Variants in EDEM1 observed in about 807,000 individuals in gnomAD.
The protein encoded by EDEM1 is ER degradation-enhancing alpha-mannosidase-like protein 1.
EDEM1 carries 67 observed loss-of-function variants against 74.4 expected under a neutral mutation model. That is an observed-to-expected ratio of 0.90 (90% confidence interval 0.74 to 1.10). The LOEUF (loss-of-function observed/expected upper bound fraction) is 1.10, where lower values mean the gene tolerates loss of function less well. EDEM1 is among the 50% of genes least tolerant of loss of function. The pLI is 0.00. For missense variants in EDEM1, 926 were observed against 851.6 expected, an observed-to-expected ratio of 1.09 and a Z score of -1.09; for synonymous variants, 382 against 335.9, an observed-to-expected ratio of 1.14 and a Z score of -1.50.
chr3:5,195,372 C>A, intron 2 of EDEM1, 91 bp downstream of exon 2: 2 of 638,472 alleles, frequency 3.1e-6, no homozygotes, highest in Non-Finnish European at 4.9e-6. Flanking sequence ...TTCCAGGGAG[C>A]CTGATAAGTC....
At chr3:5,211,321 G>A in intron 10 of EDEM1, 105 bp downstream of exon 10, 1 of 1,101,934 alleles carries the variant, frequency 9.1e-7, no homozygotes, top group Non-Finnish European at 1.3e-6. Context: ...GCTATGTGCT[G>A]GACATTGTGC....
chr3:5,189,489 G>A lies in EDEM1; in HGVS notation c.509+1175G>A, dbSNP rs551981041. On this transcript the variant is annotated intron_variant, in intron 1 of 11. Transcript: ENST00000256497. ...AGCCTTTTCAAAATTCTAGGAAACC[G>A]ATGAGTTTTTCTTGCTTAACCATAG... The A allele has an allele frequency of 2.6e-5, 4 of 152,300 alleles. No individual in the cohort carries two copies. The South Asian group carries it at 6.2e-4, about 24-fold the overall frequency. The allele number at this position is 152,300 out of a possible 1,614,324, so 9.4% of individuals were successfully genotyped here.
intron 3 of EDEM1, among the ~76,000 whole-genome samples, chr3:5,201,041 C>T (rs1261333646): frequency 6.6e-6 from 1 of 151,800 alleles, no homozygotes; most frequent in Non-Finnish European, 1.5e-5. Flanking sequence ...GGACTACAGG[C>T]AAATGTCACC....
intron 6 of EDEM1, among the ~76,000 whole-genome samples, chr3:5,206,027 A>G (rs532311700): frequency 6.6e-6 from 1 of 152,114 alleles, no homozygotes; most frequent in Non-Finnish European, 1.5e-5. Context: ...TTTACAAAGA[A>G]CTGTTAGGAT....
chr3:5,197,312 A>G (rs898631026), intron 2 of EDEM1, among the ~76,000 whole-genome samples: 1 of 152,310 alleles, frequency 6.6e-6, no homozygotes, highest in Admixed American at 6.5e-5. Flanking sequence ...TGGTCCCACT[A>G]TTAGAGAGCC....
chr3:5,194,970 G>A, intron 1 of EDEM1: 1 of 312,226 alleles, frequency 3.2e-6, no homozygotes, highest in East Asian at 5.1e-5. Flanking sequence ...CTTCCTGTGA[G>A]CATTCTTTCC....
chr3:5,205,466 A>C (rs936883191), intron 6 of EDEM1, among the ~76,000 whole-genome samples: 2 of 152,238 alleles, frequency 1.3e-5, no homozygotes, highest in South Asian at 4.1e-4. Flanking sequence ...AACAAGCATT[A>C]TCTCATGAAG....
Position 5,213,406 on chromosome 3 carries a change from C to A in EDEM1, c.1768C>A (p.Leu590Ile). The A allele has an allele frequency of 6.2e-7, 1 of 1,614,144 alleles. No homozygotes were observed. The highest frequency in any genetic ancestry group is 8.5e-7 in the Non-Finnish European group (1 of 1,180,032). The stretch of plus-strand genomic sequence containing the variant: ...ACACATTGTATCTGTGGATGAGCAT[C>A]TTCGGGAATTGCCATGGAAGGAATT... ...EGHIVSVDEH[L>I]RELPWKEFFS... The change falls in exon 11 of 12, where the codon CTT becomes ATT. Residue 590 changes from leucine to isoleucine, a missense_variant. Leu to Ile is a conservative substitution (Grantham distance 5, BLOSUM62 2). Coordinates refer to ENST00000256497, the MANE Select transcript of EDEM1 (RefSeq NM_014674.3).
rs2055080111 is a variant in EDEM1 at position 5,205,128 on chromosome 3, G to C, written c.1104G>C (p.Gly368=). The change falls in exon 6 of 12, where the codon GGG becomes GGC. Residue 368 remains glycine (G), a synonymous_variant. Transcript: ENST00000256497. ...WVGKQSGLGA[G]LDSFYEYLLK... ...GAAAGCAGAGTGGCCTGGGTGCCGG[G>C]CTGGACTCCTTCTATGAATACCTCT... is the stretch of plus-strand genomic sequence containing the variant. The C allele has an allele frequency of 6.2e-7, 1 of 1,614,250 alleles. No individual in the cohort carries two copies. Among genetic ancestry groups the C allele is most frequent in the Non-Finnish European group, 8.5e-7 (1 of 1,180,038 alleles).
At position 5,205,149 on chromosome 3, in the gene EDEM1, C is replaced by T. The variant is rs1450112196; in HGVS notation, c.1125C>T (p.Tyr375=). Residue 375 remains tyrosine, a synonymous_variant, in exon 6 of 12, where the codon TAC becomes TAT. Coordinates refer to ENST00000256497, the MANE Select transcript of EDEM1 (RefSeq NM_014674.3). ...CCGGGCTGGACTCCTTCTATGAATA[C>T]CTCTTGAAATCTTACATTCTCTTTG... ...LGAGLDSFYE[Y]LLKSYILFGE... The T allele has an allele frequency of 5.0e-6, 8 of 1,614,098 alleles. No homozygotes were observed. The highest frequency in any genetic ancestry group is 1.7e-5 in the Admixed American group (1 of 60,008).
chr3:5,193,150 A>G (rs1315543083), intron 1 of EDEM1, among the ~76,000 whole-genome samples: 5 of 152,140 alleles, frequency 3.3e-5, no homozygotes, highest in African/African-American at 4.8e-5. Context: ...GGGGAGTTAC[A>G]TGTGGTTCTC....
chr3:5,210,337 A>G, intron 9 of EDEM1, 89 bp downstream of exon 9: 2 of 1,253,390 alleles, frequency 1.6e-6, no homozygotes, highest in Non-Finnish European at 2.3e-6. Flanking sequence ...TTGCATTTTA[A>G]TTTATAGAAC....
At position 5,208,073 on chromosome 3, in the gene EDEM1, G is replaced by C. The variant is rs1003230855; in HGVS notation, c.1339-20G>C. 2 of 1,572,608 alleles carry C rather than the reference G, an allele frequency of 1.3e-6. No homozygotes were observed. The highest frequency in any genetic ancestry group is 2.8e-5 in the African/African-American group (2 of 72,368). On this transcript the variant is annotated intron_variant, in intron 7 of 11. Coordinates refer to ENST00000256497, the MANE Select transcript of EDEM1 (RefSeq NM_014674.3). The stretch of plus-strand genomic sequence containing the variant: ...TCTAGGAATGGTATCTCAGCCTGAT[G>C]ACCTGTGTCCTCTCCTTAGGTGCTG...
In EDEM1 at chr3:5,218,880, T is replaced by G. The variant is rs1252015734; in HGVS notation, c.*2962T>G. 5 of 152,192 alleles carry G rather than the reference T, an allele frequency of 3.3e-5. No homozygotes were observed. Among genetic ancestry groups the G allele is most frequent in the Non-Finnish European group, 5.9e-5 (4 of 68,036 alleles). 9.4% of individuals were successfully genotyped at this position (152,192 alleles called of 1,614,324 possible). On this transcript the variant is annotated 3_prime_UTR_variant, in exon 12 of 12. Transcript: ENST00000256497. ...ATTTTTTTTTTGGCAGCGCTTGTGC[T>G]GGAACTTACTCATTGTAACTGAATC...
chr3:5,201,957 C>A (rs371555737), intron 4 of EDEM1, 33 bp downstream of exon 4: 2 of 1,582,228 alleles, frequency 1.3e-6, no homozygotes, highest in East Asian at 2.2e-5. Flanking sequence ...TTGTGTTTGA[C>A]AATTCACTAT....
chr3:5,207,977 ATGTG>A, intron 7 of EDEM1, 112 bp from the exon 8 acceptor site: 2 of 1,269,156 alleles, frequency 1.6e-6, no homozygotes, highest in Non-Finnish European at 2.1e-6. Flanking sequence ...CTTTAACCGT[ATGTG>A]TAGGTCAACT....
At chr3:5,194,614 A>G (rs1236663916) in intron 1 of EDEM1, among the ~76,000 whole-genome samples, 2 of 152,204 alleles carry the variant, frequency 1.3e-5, no homozygotes, top group East Asian at 1.9e-4. Context: ...ATTCCTGCCT[A>G]GGTTCATGTT....
chr3:5,192,553 T>A (rs2054914097), intron 1 of EDEM1, among the ~76,000 whole-genome samples: 1 of 152,214 alleles, frequency 6.6e-6, no homozygotes, highest in South Asian at 2.1e-4. Flanking sequence ...AGTTGTGCGG[T>A]TCAGCCAGCT....
At position 5,203,046 on chromosome 3, in the gene EDEM1, T is replaced by C. The variant is rs746677754; in HGVS notation, c.939T>C (p.Phe313=). 8.1e-6 allele frequency: 13 copies of C among 1,613,866 alleles called. No homozygotes were observed. The highest frequency in any genetic ancestry group is 1.1e-5 in the Non-Finnish European group (13 of 1,179,940). ...GAGCCGGTTCCCTCCTGGTGGAATT[T>C]GGGATTCTGAGTCGACTCCTGGGGG... ...TAGAGSLLVE[F]GILSRLLGDS... The change falls in exon 5 of 12, where the codon TTT becomes TTC. Residue 313 remains phenylalanine, a synonymous_variant. Coordinates refer to ENST00000256497, the MANE Select transcript of EDEM1 (RefSeq NM_014674.3).
Sources: allele counts gnomAD v4.1 joint callset (sites outside exome capture counted in the v4.1 genomes callset), GRCh38; gene constraint gnomAD v4.1.1; transcripts MANE v1.5; gene names NCBI Gene and HGNC (gene_info 2026-07-23, HGNC 2026-07-21).